Variants in SOX6 observed in about 807,000 individuals in gnomAD.
SOX6 encodes SRY-box transcription factor 6, also known as transcription factor SOX-6.
Under a neutral mutation model 97.8 loss-of-function variants are expected in SOX6, and 11 were observed. That is an observed-to-expected ratio of 0.11 (90% CI 0.07 to 0.19). The LOEUF (loss-of-function observed/expected upper bound fraction) is 0.19. SOX6 is among the 10% of genes least tolerant of loss of function. The probability of loss-of-function intolerance (pLI) is 1.00; values close to 1 mark genes in which losing one functional copy is unlikely to be tolerated. For missense variants in SOX6, 810 were observed against 1,039.5 expected (o/e 0.78, Z 3.04); for synonymous variants, 360 against 371.4 (o/e 0.97, Z 0.35).
chr11:16,523,466 G>A (rs1861104965), intron 4 of SOX6, among the ~76,000 whole-genome samples: 1 of 151,972 alleles, frequency 6.6e-6, no homozygotes, highest in Non-Finnish European at 1.5e-5. Flanking sequence ...CAGAATCTCT[G>A]GGACACATTC....
At chr11:16,618,206 T>G (rs1174458584) in intron 3 of SOX6, among the ~76,000 whole-genome samples, 1 of 151,880 alleles carries the variant, frequency 6.6e-6, no homozygotes, top group Non-Finnish European at 1.5e-5. Context: ...CAAAATTAAT[T>G]TGTTATTTAG....
chr11:16,340,943 A>G, intron 2 of SOX6, 69 bp downstream of exon 2: 1 of 1,604,396 alleles, frequency 6.2e-7, no homozygotes, highest in Non-Finnish European at 8.5e-7. Context: ...TTTCCCTAAA[A>G]TATCTATTTA....
chr11:16,571,035 T>C (rs762899911), intron 4 of SOX6, among the ~76,000 whole-genome samples: 7 of 152,214 alleles, frequency 4.6e-5, no homozygotes, highest in Non-Finnish European at 7.4e-5. Flanking sequence ...AGGAAAAATA[T>C]TTAATCTACT....
chr11:15,991,574 A>G (rs996325176), intron 13 of SOX6, among the ~76,000 whole-genome samples: 1 of 152,216 alleles, frequency 6.6e-6, no homozygotes, highest in Non-Finnish European at 1.5e-5. Flanking sequence ...AGATGCAAAA[A>G]CATTTCAATA....
At chr11:16,499,566 G>C (rs553254435) in intron 4 of SOX6, among the ~76,000 whole-genome samples, 9 of 152,148 alleles carry the variant, frequency 5.9e-5, no homozygotes, top group Non-Finnish European at 1.2e-4. Context: ...CTGTTAGCAA[G>C]ACTAATAAAG....
chr11:16,704,384 GACA>G (rs1428559616), intron 3 of SOX6, among the ~76,000 whole-genome samples: 1 of 151,934 alleles, frequency 6.6e-6, no homozygotes, highest in African/African-American at 2.4e-5. Context: ...ATAACAGAGT[GACA>G]ACAAGCTAGG....
intron 4 of SOX6, among the ~76,000 whole-genome samples, chr11:16,221,951 T>C (rs1019503101): frequency 1.3e-5 from 2 of 152,164 alleles, no homozygotes; most frequent in Non-Finnish European, 2.9e-5. Context: ...CTACTGGACC[T>C]AACTTTTAAG....
At chr11:16,256,362 T>C (rs1853685483) in intron 3 of SOX6, among the ~76,000 whole-genome samples, 2 of 152,090 alleles carry the variant, frequency 1.3e-5, no homozygotes, top group African/African-American at 4.8e-5. Context: ...CACAATCAAG[T>C]GGGATTTATC....
intron 6 of SOX6, among the ~76,000 whole-genome samples, chr11:16,144,559 C>G (rs1052208791): frequency 2.6e-5 from 4 of 152,144 alleles, no homozygotes; most frequent in South Asian, 4.1e-4. Context: ...ATGAATCCAG[C>G]AGCTGGTTTT....
rs1413667356 is a variant in SOX6 at position 15,968,422 on chromosome 11, T to C, written c.*4387A>G. 6.6e-6 allele frequency: 1 copy of C among 152,228 alleles called. No homozygotes were observed. Among genetic ancestry groups the C allele is most frequent in the East Asian group, 1.9e-4 (1 of 5,198 alleles). 9.4% of individuals were successfully genotyped at this position (152,228 alleles called of 1,614,324 possible). A position where few individuals can be genotyped will look rare whatever the true frequency, so the allele number is the denominator to read the frequency against. On this transcript the variant is annotated 3_prime_UTR_variant, in exon 16 of 16. Transcript: ENST00000683767. ...ATTTAAAATTACTAAGTGATTCTTT[T>C]TCCTCTCCCTAATGAGTTGGTAGAG... is the stretch of plus-strand genomic sequence containing the variant.
At chr11:16,062,282 A>C (rs1004709444) in intron 9 of SOX6, among the ~76,000 whole-genome samples, 3 of 151,614 alleles carry the variant, frequency 2.0e-5, no homozygotes, top group East Asian at 1.9e-4. Flanking sequence ...ACAAAAAAAA[A>C]CTATTTATTC....
At chr11:16,075,138 T>C (rs1263640648) in intron 9 of SOX6, among the ~76,000 whole-genome samples, 2 of 152,146 alleles carry the variant, frequency 1.3e-5, no homozygotes, top group Non-Finnish European at 2.9e-5. Context: ...GAGGAAAGGA[T>C]TCCCTATTCA....
chr11:16,425,944 T>C (rs1418030719), intron 1 of SOX6, among the ~76,000 whole-genome samples: 1 of 147,254 alleles, frequency 6.8e-6, no homozygotes, highest in Non-Finnish European at 1.5e-5. Flanking sequence ...TGAGATTTTT[T>C]ACAGAACTAG....
chr11:16,293,765 C>A (rs550832599), intron 3 of SOX6, among the ~76,000 whole-genome samples: 1 of 152,118 alleles, frequency 6.6e-6, no homozygotes, highest in East Asian at 1.9e-4. Flanking sequence ...CAACAAAAAT[C>A]TACCTAAATA....
chr11:16,468,972 C>T (rs998052716), intron 1 of SOX6, among the ~76,000 whole-genome samples: 1 of 151,896 alleles, frequency 6.6e-6, no homozygotes, highest in African/African-American at 2.4e-5. Context: ...TCATGACTAT[C>T]ACTGATAATT....
intron 4 of SOX6, among the ~76,000 whole-genome samples, chr11:16,200,630 TATC>T (rs1282958127): frequency 6.6e-6 from 1 of 152,334 alleles, no homozygotes; most frequent in Non-Finnish European, 1.5e-5. Context: ...AGTACTCAAT[TATC>T]ATGCACTGAT....
chr11:16,035,250 G>A lies in SOX6; in HGVS notation c.1623+11264C>T, dbSNP rs1855488794. On this transcript the variant is annotated intron_variant, in intron 12 of 15. Transcript: ENST00000683767. ...AAGGTGAAGTCCGTCTGTTATTGCA[G>A]ACAGAATATGGGATTCAAAACAAAA... Among the ~76,000 whole-genome samples the A allele has an allele frequency of 2.0e-5, 3 of 152,204 alleles. No individual in the cohort carries two copies. In the South Asian group the frequency reaches 6.2e-4, roughly 32 times the overall value.
At chr11:16,319,677 C>T (rs554698223) in intron 2 of SOX6, among the ~76,000 whole-genome samples, 2 of 152,074 alleles carry the variant, frequency 1.3e-5, no homozygotes, top group South Asian at 4.2e-4. Context: ...TGAACTCATC[C>T]TTTTTTATGG....
At chr11:16,680,231 G>A (rs1847915950) in intron 3 of SOX6, among the ~76,000 whole-genome samples, 2 of 152,212 alleles carry the variant, frequency 1.3e-5, no homozygotes, top group South Asian at 4.1e-4. Flanking sequence ...TACCCACAAA[G>A]GGAAGCCCAT....
Sources: gnomAD v4.1 joint callset for allele counts (sites outside exome capture counted in the v4.1 genomes callset) on GRCh38, gnomAD v4.1.1 for gene constraint, MANE v1.5 for transcripts, NCBI Gene and HGNC (gene_info 2026-07-23, HGNC 2026-07-21) for gene names.